Variants in LRPPRC observed in about 807,000 individuals in gnomAD.
LRPPRC encodes leucine-rich PPR motif-containing protein, mitochondrial.
In LRPPRC, 120 loss-of-function variants were observed where a neutral mutation model predicts 180.3. The ratio of observed to expected loss-of-function variants is 0.67; its 90% CI spans 0.57 to 0.77. The LOEUF is 0.77. Ranked by LOEUF, LRPPRC falls within the 30% of genes least tolerant of loss-of-function variation. LRPPRC has a pLI of 0.00. For missense variants in LRPPRC, 2,012 were observed against 1,657.2 expected (o/e 1.21, Z -3.72); for synonymous variants, 723 against 600.0 (o/e 1.21, Z -3.00).
In LRPPRC at chr2:43,995,048, G is replaced by A. The variant is rs191854464; in HGVS notation, c.149+751C>T. On this transcript the variant is annotated intron_variant, in intron 1 of 37. Coordinates refer to ENST00000260665, the MANE Select transcript of LRPPRC (RefSeq NM_133259.4). ...TTGAAGTCAGGAGTTCGAGACTAGC[G>A]TGGCCAACATGGTGAAACCCAGTCT... is the stretch of plus-strand genomic sequence containing the variant. Among the ~76,000 whole-genome samples, 79 of 152,168 alleles carry A rather than the reference G, an allele frequency of 5.2e-4. 1 individual carries two copies. The East Asian group carries it at 0.012, about 22-fold the overall frequency.
In LRPPRC at chr2:43,934,253, G is replaced by C; in HGVS notation, c.2673C>G (p.Leu891=). 1 of 1,611,938 alleles carries C rather than the reference G, an allele frequency of 6.2e-7. No individual in the cohort carries two copies. The highest frequency in any genetic ancestry group is 1.1e-5 in the South Asian group (1 of 90,984). Reference sequence around the variant, plus strand: ...GTAGGAAGGCAAAGAAGAGATCATAGAGCATCACCATTTCACCTTGTTCTT... The same window carrying C: ...GTAGGAAGGCAAAGAAGAGATCATACAGCATCACCATTTCACCTTGTTCTT... ...VSQEQGEMVM[L]YDLFFAFLQT... The change falls in exon 25 of 38, where the codon CTC becomes CTG. Residue 891 remains leucine, a synonymous_variant. Transcript: ENST00000260665.
At chr2:43,925,287 A>G in intron 26 of LRPPRC, 130 bp from the exon 27 acceptor site, 1 of 720,366 alleles carries the variant, frequency 1.4e-6, no homozygotes, top group South Asian at 1.5e-5. Flanking sequence ...TCAAAAGTTA[A>G]TGGGCTGAGC....
intron 25 of LRPPRC, among the ~76,000 whole-genome samples, chr2:43,933,973 G>A (rs534872760): frequency 9.2e-5 from 14 of 152,202 alleles, no homozygotes; most frequent in Admixed American, 7.2e-4. Flanking sequence ...TTAACAAAGT[G>A]AGGAAACAAA....
At position 43,928,178 on chromosome 2, in the gene LRPPRC, T is replaced by C. The variant is rs112221502; in HGVS notation, c.2737-2217A>G. On this transcript the variant is annotated intron_variant, in intron 25 of 37. Transcript: ENST00000260665. Reference sequence around the variant, plus strand: ...GCTACTGTGCTTCAAACCACAACTTTCTGCAGTTGCAATTCACTACTAGGT... The same window carrying C: ...GCTACTGTGCTTCAAACCACAACTTCCTGCAGTTGCAATTCACTACTAGGT... Among the ~76,000 whole-genome samples, 643 of 152,360 alleles carry C rather than the reference T, an allele frequency of 4.2e-3. 6 individuals carry two copies. Among genetic ancestry groups the C allele is most frequent in the African/African-American group, 0.014 (599 of 41,584 alleles).
intron 1 of LRPPRC, among the ~76,000 whole-genome samples, chr2:43,987,298 A>C (rs1356445524): frequency 6.6e-6 from 1 of 152,010 alleles, no homozygotes; most frequent in African/African-American, 2.4e-5. Context: ...GATTGAGACC[A>C]TCCTGGCTAA....
At chr2:43,951,381 A>C (rs1009788446) in intron 14 of LRPPRC, among the ~76,000 whole-genome samples, 23 of 152,324 alleles carry the variant, frequency 1.5e-4, no homozygotes, top group African/African-American at 4.8e-4. Flanking sequence ...GAAAGTAGAG[A>C]ACAATCAGAG....
At chr2:43,990,206 G>A (rs573067226) in intron 1 of LRPPRC, among the ~76,000 whole-genome samples, 54 of 152,064 alleles carry the variant, frequency 3.6e-4, no homozygotes, top group African/African-American at 1.3e-3. Context: ...GTGGCAGAGC[G>A]AGACTCCATC....
intron 20 of LRPPRC, 37 bp from the exon 21 acceptor site, chr2:43,946,280 G>T (rs1672679157): frequency 6.4e-7 from 1 of 1,567,860 alleles, no homozygotes; most frequent in Non-Finnish European, 8.8e-7. Flanking sequence ...GAAGAAATCA[G>T]TGTGAAGGTA....
chr2:43,944,893 A>C (rs1156570175), intron 22 of LRPPRC, among the ~76,000 whole-genome samples: 1 of 152,112 alleles, frequency 6.6e-6, no homozygotes, highest in Non-Finnish European at 1.5e-5. Context: ...TATTTTGTTA[A>C]TGTTATTAAA....
At chr2:43,935,047 T>C (rs1037614483) in intron 23 of LRPPRC, among the ~76,000 whole-genome samples, 169 bp from the exon 24 acceptor site, 1 of 152,188 alleles carries the variant, frequency 6.6e-6, no homozygotes, top group African/African-American at 2.4e-5. Context: ...ACAATCTTTA[T>C]ATATAAGTAA....
rs11688719 is a variant in LRPPRC at position 43,886,754 on chromosome 2, C to G, written c.*1846G>C. 6.6e-6 allele frequency: 1 copy of G among 152,164 alleles called. No individual in the cohort carries two copies. The allele number at this position is 152,164 out of a possible 1,614,324, so 9.4% of individuals were successfully genotyped here. On this transcript the variant is annotated 3_prime_UTR_variant, in exon 38 of 38. Transcript: ENST00000260665. ...TTATGCCTCACCTTGGAGACCTATTCTAATGAATGTCAATTAGTGAATGTT... is the reference window on the plus strand; with the variant it reads ...TTATGCCTCACCTTGGAGACCTATTGTAATGAATGTCAATTAGTGAATGTT...
chr2:43,953,047 T>G (rs1365025041), intron 14 of LRPPRC, among the ~76,000 whole-genome samples: 1 of 152,222 alleles, frequency 6.6e-6, no homozygotes, highest in African/African-American at 2.4e-5. Context: ...CCAATCTACT[T>G]ACACTTCCCC....
At chr2:43,947,214 AT>A (rs770152161) in intron 20 of LRPPRC, 42 bp downstream of exon 20, 32 of 903,476 alleles carry the variant, frequency 3.5e-5, no homozygotes, top group Non-Finnish European at 5.4e-5. Context: ...GTTACCAAGA[AT>A]TTTTTGCCTT....
chr2:43,944,006 C>T (rs1439851405), intron 22 of LRPPRC, 112 bp from the exon 23 acceptor site: 2 of 747,550 alleles, frequency 2.7e-6, no homozygotes, highest in African/African-American at 1.7e-5. Flanking sequence ...TGTATAATGC[C>T]GATTTCAAGT....
chr2:43,896,813 A>G, intron 34 of LRPPRC, 105 bp from the exon 35 acceptor site: 1 of 761,688 alleles, frequency 1.3e-6, no homozygotes, highest in Non-Finnish European at 2.4e-6. Flanking sequence ...GTAGTGTATT[A>G]TTACCAATAG....
chr2:43,926,849 T>C (rs1398554119), intron 25 of LRPPRC, among the ~76,000 whole-genome samples: 2 of 152,250 alleles, frequency 1.3e-5, no homozygotes, highest in Non-Finnish European at 2.9e-5. Flanking sequence ...AAAAGTACTC[T>C]AATGACTTTT....
At position 43,894,579 on chromosome 2, in the gene LRPPRC, C is replaced by T; in HGVS notation, c.3951G>A (p.Lys1317=). The T allele has an allele frequency of 6.4e-7, 1 of 1,569,534 alleles. No homozygotes were observed. Among genetic ancestry groups the T allele is most frequent in the South Asian group, 1.1e-5 (1 of 89,952 alleles). ...VLELIPELNE[K]EEAYNSLMKS... ...TCATGAGGGAATTGTATGCTTCTTC[C>T]TTTTCATTTAATTCAGGAATCAATT... The change falls in exon 36 of 38, where the codon AAG becomes AAA. Residue 1317 remains lysine, a synonymous_variant. Coordinates refer to ENST00000260665, the MANE Select transcript of LRPPRC (RefSeq NM_133259.4).
chr2:43,954,529 C>G (rs1295652420), intron 14 of LRPPRC, among the ~76,000 whole-genome samples: 1 of 152,160 alleles, frequency 6.6e-6, no homozygotes, highest in Non-Finnish European at 1.5e-5. Flanking sequence ...TAAGTATGAG[C>G]TAATACAACT....
At chr2:43,983,334 G>GA (rs66595341) in intron 1 of LRPPRC, among the ~76,000 whole-genome samples, 69,800 of 151,130 alleles carry the variant, frequency 0.46, 17,282 homozygotes, top group Non-Finnish European at 0.56. Flanking sequence ...CAGAGACTAG[G>GA]AAAAAAAACA....
Sources: gnomAD v4.1 joint callset for allele counts (sites outside exome capture counted in the v4.1 genomes callset) on GRCh38, gnomAD v4.1.1 for gene constraint, MANE v1.5 for transcripts, NCBI Gene and HGNC (gene_info 2026-07-23, HGNC 2026-07-21) for gene names.